Variants in DYNC2H1 observed in about 807,000 individuals in gnomAD.
DYNC2H1 encodes dynein cytoplasmic 2 heavy chain 1.
DYNC2H1 carries 410 observed loss-of-function variants against 570.0 expected under a neutral mutation model. The observed-to-expected ratio is 0.72, with a 90% confidence interval of 0.66 to 0.78. The LOEUF is 0.78. Ranked by LOEUF, DYNC2H1 falls within the 30% of genes least tolerant of loss-of-function variation. The pLI, the probability that DYNC2H1 is intolerant of heterozygous loss-of-function variation, is 0.00. For synonymous variants in DYNC2H1, 1,688 were observed against 1,677.6 expected, an observed-to-expected ratio of 1.01 and a Z score of -0.15; for missense variants, 4,865 against 5,046.4, an observed-to-expected ratio of 0.96 and a Z score of 1.09.
intron 83 of DYNC2H1, among the ~76,000 whole-genome samples, chr11:103,381,794 A>G (rs1394443240): frequency 6.6e-6 from 1 of 152,236 alleles, no homozygotes; most frequent in African/African-American, 2.4e-5. Flanking sequence ...CTGTGTCTTC[A>G]AATTTTTAGT....
At chr11:103,367,447 TTTG>T (rs1386125133) in intron 83 of DYNC2H1, among the ~76,000 whole-genome samples, 1 of 152,140 alleles carries the variant, frequency 6.6e-6, no homozygotes, top group Non-Finnish European at 1.5e-5. Context: ...GTTTTCAAAA[TTTG>T]TTGTTACCTT....
intron 70 of DYNC2H1, among the ~76,000 whole-genome samples, chr11:103,263,022 CAAA>C (rs35912109): frequency 3.0e-4 from 12 of 39,974 alleles, no homozygotes; most frequent in East Asian, 8.6e-4. Context: ...AAATGGAAAG[CAAA>C]AAAAAAAAAA....
chr11:103,153,389 A>G lies in DYNC2H1; in HGVS notation c.3183A>G (p.Leu1061=). The G allele has an allele frequency of 6.4e-7, 1 of 1,554,544 alleles. No individual in the cohort carries two copies. Among genetic ancestry groups the G allele is most frequent in the South Asian group, 1.2e-5 (1 of 83,348 alleles). ...LEKFKARWDQ[L]KPGDDVIETG... is the part of the protein sequence containing the mutation. ...AATTTAAAGCTCGTTGGGACCAACT[A>G]AAGCCTGGTGATGATGTTATTGAAA... The change falls in exon 22 of 89, where the codon CTA becomes CTG. Residue 1061 remains leucine (L), a synonymous_variant. Coordinates refer to ENST00000375735, the MANE Select transcript of DYNC2H1 (RefSeq NM_001377.3).
At position 103,203,311 on chromosome 11, in the gene DYNC2H1, A is replaced by G. The variant is rs1862793604; in HGVS notation, c.8198-352A>G. ...GGATAAGAATTTATTGGGTATCAAG[A>G]TAAGGGGCAGAGGATGACTGTAAGT... is the stretch of plus-strand genomic sequence containing the variant. On this transcript the variant is annotated intron_variant, in intron 50 of 88. Transcript: ENST00000375735. The surrounding 1 kb of genome is among the most constrained non-coding windows in gnomAD (Gnocchi z 4.7). Among the ~76,000 whole-genome samples the G allele has an allele frequency of 6.6e-6, 1 of 152,198 alleles. No individual in the cohort carries two copies.
rs762426351 is a variant in DYNC2H1 at position 103,479,229 on chromosome 11, A to G, written c.12900A>G (p.Ala4300=). The change falls in exon 89 of 89, where the codon GCA becomes GCG. Residue 4300 remains alanine, a synonymous_variant. Coordinates refer to ENST00000375735, the MANE Select transcript of DYNC2H1 (RefSeq NM_001377.3). ...GNQDQWIQCG[A]ALFLKNQ is the part of the protein sequence containing the mutation. ...AAGACCAGTGGATTCAGTGTGGAGC[A>G]GCTCTATTCCTAAAAAATCAGTAGA... 6.2e-7 allele frequency: 1 copy of G among 1,612,282 alleles called. No homozygotes were observed. Among genetic ancestry groups the G allele is most frequent in the South Asian group, 1.1e-5 (1 of 90,548 alleles).
chr11:103,171,160 T>A, intron 34 of DYNC2H1, 92 bp downstream of exon 34: 3 of 1,107,028 alleles, frequency 2.7e-6, no homozygotes, highest in Non-Finnish European at 3.5e-6. Context: ...TTATTTCTCC[T>A]GACATCCGTG....
chr11:103,200,510 A>T (rs1010116700), intron 50 of DYNC2H1, among the ~76,000 whole-genome samples: 3 of 152,218 alleles, frequency 2.0e-5, no homozygotes, highest in Non-Finnish European at 4.4e-5. Context: ...TATTATCTGT[A>T]GGAATTTAAC....
At chr11:103,293,874 C>T (rs187333701) in intron 75 of DYNC2H1, among the ~76,000 whole-genome samples, 1 of 152,034 alleles carries the variant, frequency 6.6e-6, no homozygotes, top group South Asian at 2.1e-4. Context: ...GTCAGGAATT[C>T]AACACCAGCC....
intron 82 of DYNC2H1, among the ~76,000 whole-genome samples, chr11:103,341,586 G>A (rs1320040592): frequency 2.0e-5 from 3 of 151,984 alleles, no homozygotes; most frequent in Non-Finnish European, 1.5e-5. Flanking sequence ...AAACTTTTGG[G>A]GCAATTCTTA....
At position 103,395,418 on chromosome 11, in the gene DYNC2H1, TATG is replaced by T. The variant is rs1396566873; in HGVS notation, c.12157-4242_12157-4240del. ...TGATGTGCTGGAATATATACATGCA[TATG>T]ATCATGTATGTTACATATGATCATT... On this transcript the variant is annotated intron_variant, in intron 83 of 88. Coordinates refer to ENST00000375735, the MANE Select transcript of DYNC2H1 (RefSeq NM_001377.3). This position sits in a 1 kb window ranked among gnomAD's most constrained non-coding sequence, Gnocchi z 4.3. Among the ~76,000 whole-genome samples, 1 of 151,738 alleles carries T rather than the reference TATG, an allele frequency of 6.6e-6. No individual in the cohort carries two copies. Among genetic ancestry groups the T allele is most frequent in the Non-Finnish European group, 1.5e-5 (1 of 67,928 alleles).
intron 75 of DYNC2H1, among the ~76,000 whole-genome samples, chr11:103,298,214 G>GT (rs150520776): frequency 0.037 from 5,638 of 151,618 alleles, 329 homozygotes; most frequent in African/African-American, 0.12. Context: ...TCTTTTTCTT[G>GT]TTTTTTTTAC....
rs1237963976 is a variant in DYNC2H1, at chr11:103,261,291, C to G, written c.10695+1314C>G. Among the ~76,000 whole-genome samples, 1 of 152,150 alleles carries G rather than the reference C, an allele frequency of 6.6e-6. No individual in the cohort carries two copies. Among genetic ancestry groups the G allele is most frequent in the African/African-American group, 2.4e-5 (1 of 41,432 alleles). ...GCAGCATCAGCAGACTTAAACATTC[C>G]CACCTGCTGGCTCTGAAGAGAGCAT... On this transcript the variant is annotated intron_variant, in intron 70 of 88. Transcript: ENST00000375735. The surrounding 1 kb of genome is among the most constrained non-coding windows in gnomAD (Gnocchi z 4.8).
chr11:103,269,786 T>C (rs1038111647), intron 70 of DYNC2H1, among the ~76,000 whole-genome samples: 2 of 152,220 alleles, frequency 1.3e-5, no homozygotes, highest in Admixed American at 1.3e-4. Flanking sequence ...AAAACAATTT[T>C]TATATCTAAG....
chr11:103,169,195 T>C (rs1861465220), intron 32 of DYNC2H1, among the ~76,000 whole-genome samples: 1 of 152,164 alleles, frequency 6.6e-6, no homozygotes, highest in South Asian at 2.1e-4. Context: ...CTCAAAAATG[T>C]ACCTTTTCTT....
intron 85 of DYNC2H1, among the ~76,000 whole-genome samples, chr11:103,450,191 A>T (rs1422293115): frequency 6.6e-6 from 1 of 152,202 alleles, no homozygotes; most frequent in Non-Finnish European, 1.5e-5. Flanking sequence ...CTAATAACAG[A>T]GTTTGAAAAT....
intron 82 of DYNC2H1, among the ~76,000 whole-genome samples, chr11:103,344,739 T>A (rs4754070): frequency 0.22 from 32,966 of 152,114 alleles, 3,710 homozygotes; most frequent in Admixed American, 0.31. Flanking sequence ...TCTTCTGATT[T>A]TGAATTTTTA....
chr11:103,479,045 T>C (rs756342041), intron 88 of DYNC2H1, 50 bp from the exon 89 acceptor site: 2 of 1,591,190 alleles, frequency 1.3e-6, no homozygotes, highest in South Asian at 2.3e-5. Context: ...TAATAATCTG[T>C]TTCCAAATAG....
chr11:103,209,067 C>T lies in DYNC2H1; in HGVS notation c.8455-809C>T, dbSNP rs1375896058. ...ACTCTCTGTCACAAGAATTATGGTA[C>T]ATTCGAACTCTGCATTAATGAAGAC... On this transcript the variant is annotated intron_variant, in intron 52 of 88. Transcript: ENST00000375735. The surrounding 1 kb of genome is among the most constrained non-coding windows in gnomAD (Gnocchi z 4.2). 2.0e-5 allele frequency among the ~76,000 whole-genome samples: 3 copies of T among 151,998 alleles called. No homozygotes were observed. The highest frequency in any genetic ancestry group is 4.4e-5 in the Non-Finnish European group (3 of 67,990).
chr11:103,295,225 G>T (rs1444217574), intron 75 of DYNC2H1, among the ~76,000 whole-genome samples: 1 of 152,202 alleles, frequency 6.6e-6, no homozygotes, highest in East Asian at 1.9e-4. Flanking sequence ...CTGAAGCAGA[G>T]GACTTCCCTC....
Sources: allele counts gnomAD v4.1 joint callset (sites outside exome capture counted in the v4.1 genomes callset), GRCh38; gene constraint gnomAD v4.1.1; non-coding constraint Gnocchi (gnomAD v3.1); transcripts MANE v1.5; gene names NCBI Gene and HGNC (gene_info 2026-07-23, HGNC 2026-07-21).